KCNN3: variants seen among roughly 807,000 people sequenced by gnomAD.
KCNN3 encodes small conductance calcium-activated potassium channel protein 3.
A neutral mutation model predicts 62.9 loss-of-function variants in KCNN3; 16 were observed. That is an observed-to-expected ratio of 0.25 (90% CI 0.17 to 0.39). The LOEUF is 0.39. KCNN3 is among the 10% of genes least tolerant of loss of function. The pLI, the probability that KCNN3 is intolerant of heterozygous loss-of-function variation, is 1.00. For synonymous variants in KCNN3, 370 were observed against 389.2 expected (o/e 0.95, Z 0.58); for missense variants, 599 against 949.4 (o/e 0.63, Z 4.85).
chr1:154,813,250 A>G (rs1325008226), intron 2 of KCNN3, among the ~76,000 whole-genome samples: 1 of 129,796 alleles, frequency 7.7e-6, no homozygotes, highest in Non-Finnish European at 1.6e-5. Context: ...TCATTCTCTC[A>G]GCTGCCCATG....
chr1:154,719,181 A>AT (rs1387245709), intron 5 of KCNN3, among the ~76,000 whole-genome samples: 2 of 152,152 alleles, frequency 1.3e-5, no homozygotes, highest in East Asian at 3.8e-4. Context: ...CAGGGGTCCC[A>AT]TTAGCAGAGC....
At position 154,791,637 on chromosome 1, in the gene KCNN3, C is replaced by T. The variant is rs770460717; in HGVS notation, c.1030-19244G>A. ...TTTCACCCATTCCTCAAAGGAACCTCGAAAGGGAACGAAAGGCCCCGATGT... is the reference window on the plus strand; with the variant it reads ...TTTCACCCATTCCTCAAAGGAACCTTGAAAGGGAACGAAAGGCCCCGATGT... On this transcript the variant is annotated intron_variant, in intron 2 of 7. Transcript: ENST00000271915. Among the ~76,000 whole-genome samples the T allele has an allele frequency of 8.5e-5, 13 of 152,288 alleles. No homozygotes were observed. The South Asian group carries it at 1.0e-3, about 12-fold the overall frequency.
chr1:154,766,502 A>G (rs535954763), intron 3 of KCNN3, among the ~76,000 whole-genome samples: 79 of 138,576 alleles, frequency 5.7e-4, no homozygotes, highest in Non-Finnish European at 6.8e-4. Context: ...TGTGCCCCAC[A>G]TTGGAGGTTA....
chr1:154,847,475 C>A (rs1300044655), intron 1 of KCNN3, among the ~76,000 whole-genome samples: 1 of 152,212 alleles, frequency 6.6e-6, no homozygotes. Flanking sequence ...TGACCCAAGA[C>A]CCCGCTCTCC....
intron 3 of KCNN3, among the ~76,000 whole-genome samples, chr1:154,759,595 C>A (rs1647906598): frequency 6.6e-6 from 1 of 152,168 alleles, no homozygotes. Context: ...CTCCTACACA[C>A]CCAGCATGGC....
chr1:154,715,069 C>T, intron 5 of KCNN3, 66 bp from the exon 6 acceptor site: 1 of 1,561,970 alleles, frequency 6.4e-7, no homozygotes, highest in Non-Finnish European at 8.8e-7. Context: ...TTTGTGGTTG[C>T]TACTGTAGTC....
At chr1:154,725,593 G>A (rs1700446170) in intron 5 of KCNN3, among the ~76,000 whole-genome samples, 1 of 151,020 alleles carries the variant, frequency 6.6e-6, no homozygotes, top group African/African-American at 2.4e-5. Context: ...ACCCAGGCTG[G>A]AGTGCAGTAG....
chr1:154,717,723 G>A (rs976887789), intron 5 of KCNN3, among the ~76,000 whole-genome samples: 3 of 152,202 alleles, frequency 2.0e-5, no homozygotes, highest in African/African-American at 7.2e-5. Flanking sequence ...AGGCCTCCGT[G>A]CATTCGGGAA....
At position 154,772,403 on chromosome 1, in the gene KCNN3, G is replaced by A. The variant is rs1648602122; in HGVS notation, c.1030-10C>T. ...TGTCGATCACGAAGAGCTGGTGGGA[G>A]CAGAAAGTCCATTAGTGTGGCCAGG... On this transcript the variant is annotated splice_polypyrimidine_tract_variant and intron_variant, in intron 2 of 7. Coordinates refer to ENST00000271915, the MANE Select transcript of KCNN3 (RefSeq NM_002249.6). This position sits in a 1 kb window ranked among gnomAD's most constrained non-coding sequence, Gnocchi z 5.6. The A allele has an allele frequency of 6.2e-7, 1 of 1,613,766 alleles. No individual in the cohort carries two copies. The highest frequency in any genetic ancestry group is 8.5e-7 in the Non-Finnish European group (1 of 1,179,884).
chr1:154,811,177 C>T (rs760652504), intron 2 of KCNN3, among the ~76,000 whole-genome samples: 21 of 152,232 alleles, frequency 1.4e-4, no homozygotes, highest in South Asian at 1.0e-3. Context: ...CGGCCCGTGA[C>T]GTTAGGGCGA....
At chr1:154,864,617 T>A (rs1036086693) in intron 1 of KCNN3, among the ~76,000 whole-genome samples, 1 of 152,018 alleles carries the variant, frequency 6.6e-6, no homozygotes, top group African/African-American at 2.4e-5. Context: ...TCCCATGAGG[T>A]TGTCTGAAGA....
At chr1:154,721,534 C>G (rs921096824) in intron 5 of KCNN3, among the ~76,000 whole-genome samples, 1 of 152,126 alleles carries the variant, frequency 6.6e-6, no homozygotes, top group Non-Finnish European at 1.5e-5. Flanking sequence ...CTCCTGACCT[C>G]AAGTGATCCG....
intron 1 of KCNN3, among the ~76,000 whole-genome samples, chr1:154,863,812 G>A (rs1652858624): frequency 6.6e-6 from 1 of 152,218 alleles, no homozygotes. Context: ...GAGCACCTGG[G>A]TAATGCCGCC....
intron 2 of KCNN3, among the ~76,000 whole-genome samples, chr1:154,819,109 T>C (rs1028191238): frequency 2.6e-5 from 4 of 152,256 alleles, no homozygotes; most frequent in African/African-American, 9.6e-5. Flanking sequence ...GAGCAGCAGC[T>C]GGCCTTTGCC....
Position 154,764,914 on chromosome 1 carries a change from C to G in KCNN3, c.1448+7061G>C, listed in dbSNP as rs568630249. Among the ~76,000 whole-genome samples the G allele has an allele frequency of 1.2e-4, 18 of 152,268 alleles. No homozygotes were observed. In the East Asian group the frequency reaches 3.5e-3, roughly 29 times the overall value. On this transcript the variant is annotated intron_variant, in intron 3 of 7. Transcript: ENST00000271915. Reference sequence around the variant, plus strand: ...TTTGGTCAACTGGCAAACGAGTTCCCCCCAAAAGTAAACTCCAAGAATGAC... The same window carrying G: ...TTTGGTCAACTGGCAAACGAGTTCCGCCCAAAAGTAAACTCCAAGAATGAC...
intron 5 of KCNN3, among the ~76,000 whole-genome samples, chr1:154,718,040 C>G (rs148519237): frequency 6.6e-6 from 1 of 152,140 alleles, no homozygotes; most frequent in African/African-American, 2.4e-5. Flanking sequence ...CACCTGACCT[C>G]TCCTGGTGGG....
intron 1 of KCNN3, among the ~76,000 whole-genome samples, chr1:154,847,647 G>A (rs915212648): frequency 1.3e-5 from 2 of 152,236 alleles, no homozygotes; most frequent in African/African-American, 2.4e-5. Context: ...AAGCCAACAC[G>A]CCCAAGATAG....
At chr1:154,767,023 G>A (rs564554027) in intron 3 of KCNN3, among the ~76,000 whole-genome samples, 1 of 152,038 alleles carries the variant, frequency 6.6e-6, no homozygotes, top group Non-Finnish European at 1.5e-5. Context: ...CTTCTTGGAG[G>A]GGGTAGGAGG....
chr1:154,837,604 C>T (rs906826991), intron 1 of KCNN3, among the ~76,000 whole-genome samples: 2 of 152,180 alleles, frequency 1.3e-5, no homozygotes, highest in African/African-American at 2.4e-5. Context: ...TGGCTTTCCA[C>T]CCACAGCTGT....
Sources: gnomAD v4.1 joint callset for allele counts (sites outside exome capture counted in the v4.1 genomes callset) on GRCh38, gnomAD v4.1.1 for gene constraint, Gnocchi (gnomAD v3.1) non-coding constraint, MANE v1.5 for transcripts, NCBI Gene and HGNC (gene_info 2026-07-23, HGNC 2026-07-21) for gene names.